LUZP2: variants seen among roughly 807,000 people sequenced by gnomAD.
LUZP2 encodes the protein leucine zipper protein 2.
A neutral mutation model predicts 51.6 loss-of-function variants in LUZP2; 52 were observed. That is an observed-to-expected ratio of 1.01 (90% confidence interval 0.81 to 1.27). The LOEUF (loss-of-function observed/expected upper bound fraction) is 1.27, where lower values mean the gene tolerates loss of function less well. LUZP2 is among the 50% of genes most tolerant of loss of function. The probability of loss-of-function intolerance (pLI) is 0.00; values close to 1 mark genes in which losing one functional copy is unlikely to be tolerated. For synonymous variants in LUZP2, 154 were observed against 137.3 expected (o/e 1.12, Z -0.85); for missense variants, 436 against 395.4 (o/e 1.10, Z -0.87).
intron 9 of LUZP2, among the ~76,000 whole-genome samples, chr11:25,024,468 T>C (rs1857426485): frequency 6.6e-6 from 1 of 152,098 alleles, no homozygotes; most frequent in African/African-American, 2.4e-5. Context: ...ACAAAATCAA[T>C]GTGCAAAAAT....
chr11:24,545,184 T>C (rs1233348411), intron 1 of LUZP2, among the ~76,000 whole-genome samples: 1 of 151,910 alleles, frequency 6.6e-6, no homozygotes, highest in Non-Finnish European at 1.5e-5. Flanking sequence ...ATTAGGTCTT[T>C]GCCAGATGCA....
chr11:24,604,748 C>T (rs528990951), intron 1 of LUZP2, among the ~76,000 whole-genome samples: 1 of 151,852 alleles, frequency 6.6e-6, no homozygotes, highest in Non-Finnish European at 1.5e-5. Context: ...TTACATTTTT[C>T]TCAGATTATC....
Position 24,638,020 on chromosome 11 carries a change from TTC to T in LUZP2, c.63-91143_63-91142del, listed in dbSNP as rs201993086. Among the ~76,000 whole-genome samples, 26 of 151,928 alleles carry T rather than the reference TTC, an allele frequency of 1.7e-4. No individual in the cohort carries two copies. In the East Asian group the frequency reaches 4.8e-3, roughly 28 times the overall value. ...ACCTCCGAAGTCCCAGCTATAAAAT[TTC>T]TCTCTTTGTACTCTTTCTCTGTATT... On this transcript the variant is annotated intron_variant, in intron 1 of 11. Coordinates refer to ENST00000336930, the MANE Select transcript of LUZP2 (RefSeq NM_001009909.4).
intron 5 of LUZP2, among the ~76,000 whole-genome samples, chr11:24,852,402 G>A (rs536823045): frequency 6.6e-6 from 1 of 152,172 alleles, no homozygotes; most frequent in Non-Finnish European, 1.5e-5. Flanking sequence ...CAGTTTCCAC[G>A]TACTTGTGCA....
intron 1 of LUZP2, among the ~76,000 whole-genome samples, chr11:24,626,079 G>A (rs938898103): frequency 2.4e-4 from 36 of 152,110 alleles, no homozygotes; most frequent in African/African-American, 8.7e-4. Flanking sequence ...CTAGTATAAA[G>A]TGTCAACCTC....
At chr11:24,821,535 A>C (rs61875884) in intron 5 of LUZP2, among the ~76,000 whole-genome samples, 20,130 of 151,884 alleles carry the variant, frequency 0.13, 1,472 homozygotes, top group South Asian at 0.19. Context: ...TCTCTAACCC[A>C]TCTTGACCCT....
intron 10 of LUZP2, among the ~76,000 whole-genome samples, chr11:25,066,157 T>A (rs564934242): frequency 7.5e-6 from 1 of 134,140 alleles, no homozygotes; most frequent in Admixed American, 7.6e-5. Flanking sequence ...GGGGATTTTA[T>A]TTCTTCTATT....
At chr11:24,980,448 A>G (rs12278802) in intron 8 of LUZP2, among the ~76,000 whole-genome samples, 13,005 of 151,652 alleles carry the variant, frequency 0.086, 1,831 homozygotes, top group African/African-American at 0.29. Context: ...TATCTAATAT[A>G]TAAGATAAAA....
At chr11:25,070,614 C>T (rs549124821) in intron 10 of LUZP2, among the ~76,000 whole-genome samples, 27 of 151,920 alleles carry the variant, frequency 1.8e-4, no homozygotes, top group African/African-American at 6.3e-4. Context: ...TTAAAATATC[C>T]CAGTTAAGTC....
At chr11:24,498,869 C>G (rs1307914590) in intron 1 of LUZP2, among the ~76,000 whole-genome samples, 1 of 152,140 alleles carries the variant, frequency 6.6e-6, no homozygotes, top group Non-Finnish European at 1.5e-5. Context: ...CAATAGAAAT[C>G]CAGCCCACAG....
At chr11:24,845,115 C>T (rs1003969614) in intron 5 of LUZP2, among the ~76,000 whole-genome samples, 7 of 152,170 alleles carry the variant, frequency 4.6e-5, no homozygotes, top group African/African-American at 1.2e-4. Flanking sequence ...TCTGGAAAAG[C>T]AGCAGACACT....
chr11:25,011,331 C>A (rs1193166156), intron 9 of LUZP2, among the ~76,000 whole-genome samples: 4 of 152,122 alleles, frequency 2.6e-5, no homozygotes, highest in Non-Finnish European at 5.9e-5. Flanking sequence ...TAAACATATT[C>A]ATTATAGTGA....
intron 1 of LUZP2, among the ~76,000 whole-genome samples, chr11:24,726,632 C>T (rs921058375): frequency 1.3e-5 from 2 of 151,876 alleles, no homozygotes; most frequent in African/African-American, 4.8e-5. Context: ...CACATATATA[C>T]ACTTTATTAA....
intron 1 of LUZP2, among the ~76,000 whole-genome samples, chr11:24,613,601 G>A (rs1590242790): frequency 6.6e-6 from 1 of 151,630 alleles, no homozygotes; most frequent in African/African-American, 2.4e-5. Context: ...AAAAGTATGT[G>A]GGAGGAAGCA....
At chr11:24,541,681 G>T (rs1295529445) in intron 1 of LUZP2, among the ~76,000 whole-genome samples, 1 of 152,062 alleles carries the variant, frequency 6.6e-6, no homozygotes, top group Non-Finnish European at 1.5e-5. Context: ...CAGGTTGGGG[G>T]AAGAATATTA....
At chr11:25,070,731 T>C (rs943247548) in intron 10 of LUZP2, among the ~76,000 whole-genome samples, 17 of 151,726 alleles carry the variant, frequency 1.1e-4, no homozygotes, top group Non-Finnish European at 2.2e-4. Flanking sequence ...TAAGTTCATA[T>C]ATAAGTTTCA....
intron 7 of LUZP2, among the ~76,000 whole-genome samples, chr11:24,957,345 A>G (rs1855239729): frequency 1.3e-5 from 2 of 152,098 alleles, no homozygotes; most frequent in African/African-American, 4.8e-5. Context: ...ATTTCTCTAA[A>G]TATTTATCAT....
rs116689450 is a variant in LUZP2, at chr11:24,559,976, G to A, written c.62+62671G>A. On this transcript the variant is annotated intron_variant, in intron 1 of 11. Coordinates refer to ENST00000336930, the MANE Select transcript of LUZP2 (RefSeq NM_001009909.4). The stretch of plus-strand genomic sequence containing the variant: ...AAATCACACACTGGGACCTGTCGGG[G>A]GGTGGCAGGATAGGGGAGGGATAGC... Among the ~76,000 whole-genome samples, 1,240 of 152,228 alleles carry A rather than the reference G, an allele frequency of 8.1e-3. 19 individuals carry two copies. The highest frequency in any genetic ancestry group is 0.028 in the African/African-American group (1,181 of 41,524).
Position 25,056,882 on chromosome 11 carries a change from C to T in LUZP2, c.858+6752C>T, listed in dbSNP as rs555810214. Among the ~76,000 whole-genome samples, 5 of 152,202 alleles carry T rather than the reference C, an allele frequency of 3.3e-5. No individual in the cohort carries two copies. The East Asian group carries it at 5.8e-4, about 18-fold the overall frequency. ...TTGGGAGCCCAAGGTGGGCAGATCA[C>T]GAGGTCAGGAGATCGAGACCATCCT... is the stretch of plus-strand genomic sequence containing the variant. On this transcript the variant is annotated intron_variant, in intron 10 of 11. Coordinates refer to ENST00000336930, the MANE Select transcript of LUZP2 (RefSeq NM_001009909.4).
Sources: gnomAD v4.1 joint callset for allele counts (sites outside exome capture counted in the v4.1 genomes callset) on GRCh38, gnomAD v4.1.1 for gene constraint, MANE v1.5 for transcripts, NCBI Gene and HGNC (gene_info 2026-07-23, HGNC 2026-07-21) for gene names.